Variants in SLC24A2 observed in about 807,000 individuals in gnomAD.
SLC24A2 encodes the protein solute carrier family 24 member 2.
SLC24A2 carries 36 observed loss-of-function variants against 62.0 expected under a neutral mutation model. The ratio of observed to expected loss-of-function variants is 0.58; its 90% CI spans 0.44 to 0.77. The LOEUF is 0.77. Ranked by LOEUF, SLC24A2 falls within the 30% of genes least tolerant of loss-of-function variation. The pLI is 0.00. For synonymous variants in SLC24A2, 358 were observed against 294.0 expected, an observed-to-expected ratio of 1.22 and a Z score of -2.23; for missense variants, 846 against 817.9, an observed-to-expected ratio of 1.03 and a Z score of -0.42.
At chr9:19,679,662 G>C (rs1819657461) in intron 2 of SLC24A2, among the ~76,000 whole-genome samples, 1 of 152,126 alleles carries the variant, frequency 6.6e-6, no homozygotes, top group Non-Finnish European at 1.5e-5. Flanking sequence ...CTTAAACTGA[G>C]ACATTTGTCT....
the SLC24A2 span, among the ~76,000 whole-genome samples, chr9:19,832,075 C>T: frequency 4.6e-5 from 7 of 152,148 alleles, no homozygotes; most frequent in Non-Finnish European, 8.8e-5. Context: ...CCTGTCTGTA[C>T]TCTCTCACCC....
the SLC24A2 span, among the ~76,000 whole-genome samples, chr9:19,978,556 T>A: frequency 6.6e-6 from 1 of 152,092 alleles, no homozygotes; most frequent in African/African-American, 2.4e-5. Context: ...ACCAATGTCA[T>A]GTTTCCTAAG....
chr9:19,709,117 AAG>A (rs1424028760), intron 2 of SLC24A2, among the ~76,000 whole-genome samples: 3 of 152,224 alleles, frequency 2.0e-5, no homozygotes, highest in Non-Finnish European at 4.4e-5. Flanking sequence ...CACTTCTCAA[AAG>A]AAGACATTTA....
chr9:19,760,359 AT>A (rs1205034157), intron 2 of SLC24A2, among the ~76,000 whole-genome samples: 1 of 151,918 alleles, frequency 6.6e-6, no homozygotes, highest in Non-Finnish European at 1.5e-5. Flanking sequence ...TGTACTATAA[AT>A]TTTCTTACTT....
chr9:19,912,259 G>A, the SLC24A2 span, among the ~76,000 whole-genome samples: 1 of 152,106 alleles, frequency 6.6e-6, no homozygotes, highest in Non-Finnish European at 1.5e-5. Flanking sequence ...TATCATTTTA[G>A]AGATGCAGAT....
At chr9:19,633,878 CCT>C (rs1397899401) in intron 2 of SLC24A2, among the ~76,000 whole-genome samples, 10 of 152,118 alleles carry the variant, frequency 6.6e-5, no homozygotes, top group South Asian at 2.1e-4. Flanking sequence ...ATATTTTCCC[CCT>C]GTCTTTAATG....
the SLC24A2 span, among the ~76,000 whole-genome samples, chr9:20,258,708 G>T: frequency 2.6e-5 from 4 of 151,878 alleles, no homozygotes; most frequent in Admixed American, 2.6e-4. Context: ...GTCTGTCACG[G>T]GTGTTCTCAG....
At chr9:20,301,915 C>T in the SLC24A2 span, among the ~76,000 whole-genome samples, 2 of 152,140 alleles carry the variant, frequency 1.3e-5, no homozygotes, top group South Asian at 2.1e-4. Flanking sequence ...TCTCCCTCCT[C>T]GCTAAACCCT....
intron 2 of SLC24A2, among the ~76,000 whole-genome samples, chr9:19,682,334 A>G (rs1277360377): frequency 6.6e-6 from 1 of 152,140 alleles, no homozygotes; most frequent in Non-Finnish European, 1.5e-5. Context: ...AATAACTGAG[A>G]ATACAACCTG....
At chr9:19,765,359 T>A (rs57725447) in intron 2 of SLC24A2, among the ~76,000 whole-genome samples, 1 of 152,228 alleles carries the variant, frequency 6.6e-6, no homozygotes, top group Non-Finnish European at 1.5e-5. Flanking sequence ...CTGGTTATTT[T>A]GCCCATTAGT....
the SLC24A2 span, among the ~76,000 whole-genome samples, chr9:19,912,535 A>G: frequency 6.6e-6 from 1 of 152,024 alleles, no homozygotes; most frequent in African/African-American, 2.4e-5. Context: ...CTATCTAACC[A>G]TAAACAATTC....
At chr9:20,032,283 T>A in the SLC24A2 span, among the ~76,000 whole-genome samples, 1 of 152,354 alleles carries the variant, frequency 6.6e-6, no homozygotes, top group Admixed American at 6.5e-5. Flanking sequence ...CTTTTCACTG[T>A]TTAATTAACA....
the SLC24A2 span, among the ~76,000 whole-genome samples, chr9:20,221,660 C>A: frequency 6.6e-6 from 1 of 151,918 alleles, no homozygotes; most frequent in Admixed American, 6.6e-5. Context: ...AAATCCACAA[C>A]TAGATACACT....
At chr9:20,075,276 T>C in the SLC24A2 span, among the ~76,000 whole-genome samples, 1 of 152,232 alleles carries the variant, frequency 6.6e-6, no homozygotes, top group Non-Finnish European at 1.5e-5. Context: ...ACATATTTTA[T>C]CTAATCCTTG....
intron 2 of SLC24A2, among the ~76,000 whole-genome samples, chr9:19,711,023 A>C (rs989953469): frequency 2.6e-5 from 4 of 152,258 alleles, no homozygotes; most frequent in Admixed American, 1.3e-4. Flanking sequence ...GGCCAAGGAA[A>C]GATTAACCCA....
the SLC24A2 span, among the ~76,000 whole-genome samples, chr9:19,809,064 A>G: frequency 6.6e-6 from 1 of 152,220 alleles, no homozygotes; most frequent in Non-Finnish European, 1.5e-5. Context: ...ACATATTTGC[A>G]AATAAATGAG....
intron 2 of SLC24A2, among the ~76,000 whole-genome samples, chr9:19,707,487 T>C (rs191633567): frequency 5.3e-4 from 81 of 152,348 alleles, no homozygotes; most frequent in African/African-American, 1.9e-3. Flanking sequence ...TTGATGAACG[T>C]TGATGCAAAA....
the SLC24A2 span, among the ~76,000 whole-genome samples, chr9:20,168,293 C>T: frequency 2.0e-5 from 3 of 151,792 alleles, no homozygotes; most frequent in African/African-American, 7.3e-5. Flanking sequence ...GTTCTCTAAG[C>T]TTAAAATTAT....
chr9:20,094,795 AGTGTATGAT>A, the SLC24A2 span, among the ~76,000 whole-genome samples: 5 of 152,174 alleles, frequency 3.3e-5, no homozygotes, highest in African/African-American at 9.6e-5. Flanking sequence ...CCAAATGACC[AGTGTATGAT>A]GTTAATATAT....
Sources: gnomAD v4.1 joint callset for allele counts (sites outside exome capture counted in the v4.1 genomes callset) on GRCh38, gnomAD v4.1.1 for gene constraint, MANE v1.5 for transcripts, NCBI Gene and HGNC (gene_info 2026-07-23, HGNC 2026-07-21) for gene names.